The following ST3GAL1 variants were observed in gnomAD, a reference collection of about 807,000 sequenced individuals.
ST3GAL1 encodes the protein CMP-N-acetylneuraminate-beta-galactosamide-alpha-2,3-sialyltransferase 1.
ST3GAL1 carries 16 observed loss-of-function variants against 34.1 expected under a neutral mutation model. That is an observed-to-expected ratio of 0.47 (90% CI 0.32 to 0.71). ST3GAL1 has a LOEUF of 0.71. ST3GAL1 is among the 30% of genes least tolerant of loss of function. The pLI, the probability that ST3GAL1 is intolerant of heterozygous loss-of-function variation, is 0.04. For synonymous variants in ST3GAL1, 191 were observed against 184.7 expected, an observed-to-expected ratio of 1.03 and a Z score of -0.28; for missense variants, 353 against 447.4, an observed-to-expected ratio of 0.79 and a Z score of 1.90.
At chr8:133,476,144 C>T in intron 4 of ST3GAL1, 70 bp from the exon 5 acceptor site, 5 of 1,173,106 alleles carry the variant, frequency 4.3e-6, no homozygotes, top group Non-Finnish European at 5.9e-6. Flanking sequence ...GGCAGGAATT[C>T]CAAGGGAGGA....
intron 2 of ST3GAL1, among the ~76,000 whole-genome samples, chr8:133,523,435 C>T (rs1356698411): frequency 2.6e-5 from 4 of 152,328 alleles, no homozygotes; most frequent in South Asian, 4.1e-4. Context: ...CACCCTCAGG[C>T]AAGTAACTCA....
chr8:133,556,013 C>T lies in ST3GAL1; in HGVS notation c.-581-10087G>A, dbSNP rs62518381. ...AGTTCAAGCAATTCTCGTGCCTCAG[C>T]CTCCCGCGTAGCTGGGATTACAGGC... On this transcript the variant is annotated intron_variant, in intron 1 of 9. Transcript: ENST00000522652. The surrounding 1 kb of genome is among the most constrained non-coding windows in gnomAD (Gnocchi z 8.9). Among the ~76,000 whole-genome samples the T allele has an allele frequency of 0.016, 2,499 of 152,298 alleles. 26 individuals carry two copies. The highest frequency in any genetic ancestry group is 0.025 in the Non-Finnish European group (1,680 of 68,028).
intron 1 of ST3GAL1, among the ~76,000 whole-genome samples, chr8:133,562,870 C>CT (rs1819288263): frequency 1.7e-5 from 2 of 117,798 alleles, no homozygotes; most frequent in African/African-American, 9.0e-5. Context: ...TTTTTTTTCC[C>CT]ACTGGGCCTT....
chr8:133,485,732 CA>C (rs1427597001), intron 3 of ST3GAL1, among the ~76,000 whole-genome samples: 3 of 151,836 alleles, frequency 2.0e-5, no homozygotes, highest in Non-Finnish European at 4.4e-5. Context: ...TTCCCATTCC[CA>C]GGGGCAGGAT....
rs781582444 is a variant in ST3GAL1 at position 133,459,958 on chromosome 8, T to C, written c.850-21A>G. The C allele has an allele frequency of 4.4e-6, 7 of 1,600,516 alleles. No homozygotes were observed. The highest frequency in any genetic ancestry group is 4.5e-5 in the East Asian group (2 of 44,326). ...TCCACCTGTGGGAGCAAAGCAAAGATGAGAACCAGACAGCAGGGCTGCTGG... is the reference window on the plus strand; with the variant it reads ...TCCACCTGTGGGAGCAAAGCAAAGACGAGAACCAGACAGCAGGGCTGCTGG... On this transcript the variant is annotated intron_variant, in intron 9 of 9. Coordinates refer to ENST00000522652, the MANE Select transcript of ST3GAL1 (RefSeq NM_173344.3). This position sits in a 1 kb window ranked among gnomAD's most constrained non-coding sequence, Gnocchi z 4.7.
intron 2 of ST3GAL1, among the ~76,000 whole-genome samples, chr8:133,538,856 A>G (rs1818383615): frequency 6.6e-6 from 1 of 152,198 alleles, no homozygotes; most frequent in South Asian, 2.1e-4. Context: ...CAGCAAGGGG[A>G]CTGGGCTCTG....
chr8:133,546,107 C>T (rs1818663196), intron 1 of ST3GAL1, among the ~76,000 whole-genome samples, 181 bp from the exon 2 acceptor site: 1 of 152,246 alleles, frequency 6.6e-6, no homozygotes, highest in African/African-American at 2.4e-5. Context: ...CAGAGCCACA[C>T]ACCAGAACAG....
At chr8:133,547,563 C>T (rs982510916) in intron 1 of ST3GAL1, among the ~76,000 whole-genome samples, 2 of 152,130 alleles carry the variant, frequency 1.3e-5, no homozygotes, top group Non-Finnish European at 2.9e-5. Context: ...TGAGGTAGCC[C>T]CCTGGAGGAT....
At chr8:133,500,128 C>G (rs1266615530) in intron 2 of ST3GAL1, among the ~76,000 whole-genome samples, 23 of 152,196 alleles carry the variant, frequency 1.5e-4, no homozygotes, top group Non-Finnish European at 1.5e-5. Flanking sequence ...CTACCCACAG[C>G]TGGCAGCAGC....
In ST3GAL1 at chr8:133,570,464, GC is replaced by G. The variant is rs1396020337; in HGVS notation, c.-582+1228del. ...CTTCTGGGTGCGCACGTGTCCCCTC[GC>G]CCAACACACCACCGAGCCCCGCGCA... On this transcript the variant is annotated intron_variant, in intron 1 of 9. Coordinates refer to ENST00000522652, the MANE Select transcript of ST3GAL1 (RefSeq NM_173344.3). This position sits in a 1 kb window ranked among gnomAD's most constrained non-coding sequence, Gnocchi z 5.6. 1 of 151,700 alleles carries G rather than the reference GC, an allele frequency of 6.6e-6. No homozygotes were observed. The highest frequency in any genetic ancestry group is 1.5e-5 in the Non-Finnish European group (1 of 68,012). The allele number at this position is 151,700 out of a possible 1,614,324, so 9.4% of individuals were successfully genotyped here. A position where few individuals can be genotyped will look rare whatever the true frequency, so the allele number is the denominator to read the frequency against.
chr8:133,475,383 G>A (rs1816129100), intron 5 of ST3GAL1, among the ~76,000 whole-genome samples: 1 of 152,200 alleles, frequency 6.6e-6, no homozygotes, highest in Admixed American at 6.5e-5. Context: ...TTGGTGTTTT[G>A]AGCCATGAAT....
chr8:133,502,083 G>A (rs983908041), intron 2 of ST3GAL1, among the ~76,000 whole-genome samples: 1 of 152,172 alleles, frequency 6.6e-6, no homozygotes, highest in African/African-American at 2.4e-5. Context: ...ATTGGGAGAG[G>A]TTGCCAAAGG....
chr8:133,540,836 G>GAGATACATATATAT (rs1563734034), intron 2 of ST3GAL1, among the ~76,000 whole-genome samples: 1 of 48,372 alleles, frequency 2.1e-5, no homozygotes, highest in African/African-American at 9.1e-5. Flanking sequence ...CATATATATA[G>GAGATACATATATAT]AGAGACATAT....
chr8:133,526,651 G>A (rs1447992910), intron 2 of ST3GAL1, among the ~76,000 whole-genome samples: 5 of 152,098 alleles, frequency 3.3e-5, no homozygotes, highest in African/African-American at 1.2e-4. Flanking sequence ...TACAGGGCAA[G>A]AAGAAAAAAG....
At chr8:133,553,579 T>C (rs1222320393) in intron 1 of ST3GAL1, among the ~76,000 whole-genome samples, 3 of 152,210 alleles carry the variant, frequency 2.0e-5, no homozygotes, top group African/African-American at 7.2e-5. Flanking sequence ...ATGGGGATAA[T>C]AAAAGTCCCT....
chr8:133,568,008 C>T (rs1819456364), intron 1 of ST3GAL1, among the ~76,000 whole-genome samples: 1 of 151,896 alleles, frequency 6.6e-6, no homozygotes. Context: ...GCAATCTCCA[C>T]CTCCCGGGTC....
intron 5 of ST3GAL1, among the ~76,000 whole-genome samples, chr8:133,475,311 C>G (rs1816125475): frequency 6.6e-6 from 1 of 152,236 alleles, no homozygotes; most frequent in Non-Finnish European, 1.5e-5. Flanking sequence ...CCAGGAGGAG[C>G]CAAGTCTGCC....
chr8:133,542,284 A>G (rs948424297), intron 2 of ST3GAL1, among the ~76,000 whole-genome samples: 1 of 152,198 alleles, frequency 6.6e-6, no homozygotes, highest in East Asian at 1.9e-4. Flanking sequence ...AGGTGAGGAG[A>G]GTAGAAGATG....
chr8:133,557,338 A>G (rs1239452216), intron 1 of ST3GAL1, among the ~76,000 whole-genome samples: 1 of 152,180 alleles, frequency 6.6e-6, no homozygotes, highest in African/African-American at 2.4e-5. Flanking sequence ...GATATGTGGT[A>G]CCCATGGTCC....
Sources: allele counts gnomAD v4.1 joint callset (sites outside exome capture counted in the v4.1 genomes callset), GRCh38; gene constraint gnomAD v4.1.1; non-coding constraint Gnocchi (gnomAD v3.1); transcripts MANE v1.5; gene names NCBI Gene and HGNC (gene_info 2026-07-23, HGNC 2026-07-21).